GRID2: variants seen among roughly 807,000 people sequenced by gnomAD.
GRID2 encodes glutamate ionotropic receptor delta type subunit 2, also known as glutamate receptor ionotropic, delta-2.
GRID2 carries 33 observed loss-of-function variants against 114.8 expected under a neutral mutation model. The ratio of observed to expected loss-of-function variants is 0.29; its 90% CI spans 0.22 to 0.38. The LOEUF (loss-of-function observed/expected upper bound fraction) is 0.38, where lower values mean the gene tolerates loss of function less well. GRID2 is among the 10% of genes least tolerant of loss of function. The pLI, the probability that GRID2 is intolerant of heterozygous loss-of-function variation, is 1.00. For missense variants in GRID2, 1,184 were observed against 1,257.7 expected, an observed-to-expected ratio of 0.94 and a Z score of 0.89; for synonymous variants, 505 against 449.9, an observed-to-expected ratio of 1.12 and a Z score of -1.55.
Position 93,125,223 on chromosome 4 carries a change from A to T in GRID2, c.735+14270A>T, listed in dbSNP as rs72887651. Reference sequence around the variant, plus strand: ...TTTCATATGTCTTTTTTAGTAAGCTATCTGAGATCCTCCTTATAAAGTTAA... The same window carrying T: ...TTTCATATGTCTTTTTTAGTAAGCTTTCTGAGATCCTCCTTATAAAGTTAA... On this transcript the variant is annotated intron_variant, in intron 4 of 15. Coordinates refer to ENST00000282020, the MANE Select transcript of GRID2 (RefSeq NM_001510.4). Among the ~76,000 whole-genome samples the T allele has an allele frequency of 7.5e-3, 1,139 of 152,064 alleles. 21 individuals are homozygous for T. Among genetic ancestry groups the T allele is most frequent in the African/African-American group, 0.026 (1,088 of 41,538 alleles).
intron 14 of GRID2, among the ~76,000 whole-genome samples, chr4:93,679,544 C>A (rs1725290138): frequency 6.6e-6 from 1 of 150,844 alleles, no homozygotes; most frequent in African/African-American, 2.5e-5. Context: ...CACTCCTCAG[C>A]AAATGTAAAA....
At chr4:92,755,317 G>T (rs549954424) in intron 2 of GRID2, among the ~76,000 whole-genome samples, 1 of 152,280 alleles carries the variant, frequency 6.6e-6, no homozygotes, top group Admixed American at 6.5e-5. Flanking sequence ...TGGGGATACA[G>T]TGAGAAATCA....
intron 2 of GRID2, among the ~76,000 whole-genome samples, chr4:92,693,143 C>T (rs1402573216): frequency 6.6e-6 from 1 of 151,682 alleles, no homozygotes; most frequent in Non-Finnish European, 1.5e-5. Context: ...AAATCTTTCC[C>T]CCTTTATGCT....
chr4:93,731,436 C>T (rs983546758), intron 14 of GRID2, among the ~76,000 whole-genome samples: 9 of 152,162 alleles, frequency 5.9e-5, no homozygotes, highest in South Asian at 4.1e-4. Context: ...ACAATGAGAA[C>T]GTGTGTGCAG....
At chr4:92,982,624 A>G (rs1242490650) in intron 2 of GRID2, among the ~76,000 whole-genome samples, 1 of 152,038 alleles carries the variant, frequency 6.6e-6, no homozygotes, top group Non-Finnish European at 1.5e-5. Flanking sequence ...GGATTTTTGC[A>G]ATAGTCTTCT....
rs200496016 is a variant in GRID2 at position 93,427,272 on chromosome 4, C to G, written c.1545+4304C>G. ...TATGAGGTGTATTTACCCCTATAAA[C>G]CAAAATTACACCGTTGAAATGGCAT... is the stretch of plus-strand genomic sequence containing the variant. On this transcript the variant is annotated intron_variant, in intron 10 of 15. Transcript: ENST00000282020. Among the ~76,000 whole-genome samples the G allele has an allele frequency of 2.0e-5, 3 of 151,810 alleles. No homozygotes were observed. The East Asian group carries it at 5.8e-4, about 29-fold the overall frequency.
At chr4:92,453,498 G>A (rs564536442) in intron 1 of GRID2, among the ~76,000 whole-genome samples, 7 of 152,108 alleles carry the variant, frequency 4.6e-5, no homozygotes, top group African/African-American at 9.6e-5. Context: ...ATCAAAAACC[G>A]ATGTATATTT....
intron 13 of GRID2, among the ~76,000 whole-genome samples, chr4:93,610,737 TG>T (rs1386129200): frequency 2.5e-5 from 1 of 39,858 alleles, no homozygotes; most frequent in African/African-American, 1.4e-4. Context: ...TGAGGATTTT[TG>T]CATCAATGTT....
At chr4:93,617,074 T>A (rs1365761142) in intron 13 of GRID2, among the ~76,000 whole-genome samples, 1 of 152,138 alleles carries the variant, frequency 6.6e-6, no homozygotes, top group Non-Finnish European at 1.5e-5. Context: ...GCTAGATGAA[T>A]CAGTTTTTGT....
intron 2 of GRID2, among the ~76,000 whole-genome samples, chr4:92,664,604 G>C (rs919189309): frequency 6.6e-6 from 1 of 150,978 alleles, no homozygotes; most frequent in African/African-American, 2.4e-5. Flanking sequence ...CTTATCTTCT[G>C]TCTGGTTGTT....
At chr4:92,491,476 G>T (rs193058071) in intron 1 of GRID2, among the ~76,000 whole-genome samples, 13 of 152,152 alleles carry the variant, frequency 8.5e-5, no homozygotes, top group African/African-American at 2.4e-4. Flanking sequence ...CTTCCAAATT[G>T]TTTAAAGTAA....
intron 2 of GRID2, among the ~76,000 whole-genome samples, chr4:92,940,125 G>C (rs1158838144): frequency 6.8e-6 from 1 of 146,914 alleles, no homozygotes; most frequent in African/African-American, 2.4e-5. Context: ...AGCTTAATGG[G>C]GATGGCATTG....
At chr4:93,427,780 CA>C (rs1251979730) in intron 10 of GRID2, among the ~76,000 whole-genome samples, 1 of 151,982 alleles carries the variant, frequency 6.6e-6, no homozygotes, top group Non-Finnish European at 1.5e-5. Context: ...AAAGTCTCCT[CA>C]AGTCCTTCTC....
chr4:92,511,425 T>A (rs1451238135), intron 1 of GRID2, among the ~76,000 whole-genome samples: 1 of 151,836 alleles, frequency 6.6e-6, no homozygotes, highest in Non-Finnish European at 1.5e-5. Context: ...TAACATGAGA[T>A]TTAGAGGAGA....
intron 8 of GRID2, among the ~76,000 whole-genome samples, chr4:93,370,542 A>G (rs562966378): frequency 6.6e-6 from 1 of 151,874 alleles, no homozygotes; most frequent in Non-Finnish European, 1.5e-5. Context: ...GTCACACAGA[A>G]TTGTTCACTG....
At chr4:92,584,538 A>G (rs1579628624) in intron 1 of GRID2, among the ~76,000 whole-genome samples, 1 of 151,954 alleles carries the variant, frequency 6.6e-6, no homozygotes, top group Admixed American at 6.6e-5. Context: ...TTCCTAAACT[A>G]AAGTTTTTGA....
intron 1 of GRID2, among the ~76,000 whole-genome samples, chr4:92,430,760 G>T (rs1223319862): frequency 6.6e-6 from 1 of 151,846 alleles, no homozygotes; most frequent in Non-Finnish European, 1.5e-5. Context: ...TCCGTTTTTT[G>T]TGTCTTCTTC....
chr4:93,330,984 T>G (rs1335853895), intron 8 of GRID2, among the ~76,000 whole-genome samples: 1 of 152,062 alleles, frequency 6.6e-6, no homozygotes, highest in East Asian at 1.9e-4. Context: ...CTCTTGTCTC[T>G]TTTCAGTAGG....
At chr4:92,336,261 T>C (rs1727159333) in intron 1 of GRID2, among the ~76,000 whole-genome samples, 1 of 152,190 alleles carries the variant, frequency 6.6e-6, no homozygotes, top group Non-Finnish European at 1.5e-5. Context: ...AAAGCTTCAT[T>C]ATGATGTCTG....
Sources: allele counts gnomAD v4.1 joint callset (sites outside exome capture counted in the v4.1 genomes callset), GRCh38; gene constraint gnomAD v4.1.1; transcripts MANE v1.5; gene names NCBI Gene and HGNC (gene_info 2026-07-23, HGNC 2026-07-21).